Variants in DTX4 observed in about 807,000 individuals in gnomAD.
DTX4 encodes the protein deltex E3 ubiquitin ligase 4.
In DTX4, 28 loss-of-function variants were observed where a neutral mutation model predicts 57.6. That is an observed-to-expected ratio of 0.49 (90% CI 0.36 to 0.67). The LOEUF (loss-of-function observed/expected upper bound fraction) is 0.67. Among genes scored for constraint, DTX4 ranks in the 30% least tolerant of loss-of-function variants. The pLI, the probability that DTX4 is intolerant of heterozygous loss-of-function variation, is 0.00. For synonymous variants in DTX4, 316 were observed against 331.0 expected, an observed-to-expected ratio of 0.95 and a Z score of 0.49; for missense variants, 715 against 836.8, an observed-to-expected ratio of 0.85 and a Z score of 1.80.
intron 5 of DTX4, 94 bp from the exon 6 acceptor site, chr11:59,192,004 T>C: frequency 7.2e-7 from 1 of 1,398,286 alleles, no homozygotes; most frequent in Non-Finnish European, 9.7e-7. Flanking sequence ...AGAAGAGAAG[T>C]GGTAAGAGCT....
chr11:59,179,846 CTG>C (rs1374993892), intron 1 of DTX4, among the ~76,000 whole-genome samples: 1 of 152,074 alleles, frequency 6.6e-6, no homozygotes, highest in East Asian at 1.9e-4. Context: ...GAAGAAAATC[CTG>C]TGTCAGTTAT....
chr11:59,177,867 G>A (rs1290958996), intron 1 of DTX4, among the ~76,000 whole-genome samples: 1 of 152,046 alleles, frequency 6.6e-6, no homozygotes, highest in East Asian at 1.9e-4. Flanking sequence ...TTCATTTATT[G>A]AATCAATATT....
At chr11:59,191,865 C>A (rs892160380) in intron 5 of DTX4, among the ~76,000 whole-genome samples, 12 of 152,104 alleles carry the variant, frequency 7.9e-5, no homozygotes, top group African/African-American at 2.9e-4. Context: ...ATAGCCCTCA[C>A]GATTATGATA....
intron 8 of DTX4, among the ~76,000 whole-genome samples, chr11:59,200,914 C>G (rs1862733394): frequency 6.6e-6 from 1 of 152,230 alleles, no homozygotes; most frequent in African/African-American, 2.4e-5. Context: ...ATTCGTCATG[C>G]ACTTTGCTTG....
chr11:59,177,619 A>T (rs1414283961), intron 1 of DTX4, among the ~76,000 whole-genome samples: 9 of 152,016 alleles, frequency 5.9e-5, no homozygotes, highest in Admixed American at 5.9e-4. Flanking sequence ...GTCTTCTTCT[A>T]TGCCTTATAT....
intron 8 of DTX4, among the ~76,000 whole-genome samples, chr11:59,200,384 A>T (rs1185911766): frequency 6.6e-6 from 1 of 152,188 alleles, no homozygotes; most frequent in Non-Finnish European, 1.5e-5. Context: ...TATTAGTGGC[A>T]ATAATTCATC....
intron 6 of DTX4, among the ~76,000 whole-genome samples, chr11:59,193,132 A>G (rs1862620514): frequency 6.6e-6 from 1 of 152,094 alleles, no homozygotes; most frequent in South Asian, 2.1e-4. Flanking sequence ...TCTGGTCTAT[A>G]CGTCTCTTAC....
At chr11:59,183,493 G>A (rs1862491181) in intron 2 of DTX4, among the ~76,000 whole-genome samples, 1 of 152,134 alleles carries the variant, frequency 6.6e-6, no homozygotes, top group African/African-American at 2.4e-5. Flanking sequence ...GCCAGCCCCT[G>A]GTTTCTTAGC....
Position 59,182,456 on chromosome 11 carries a change from C to T in DTX4, c.929C>T (p.Ala310Val). 6.2e-7 allele frequency: 1 copy of T among 1,600,794 alleles called. No homozygotes were observed. Among genetic ancestry groups the T allele is most frequent in the Non-Finnish European group, 8.5e-7 (1 of 1,172,546 alleles). The stretch of plus-strand genomic sequence containing the variant: ...ATTGCCCAGTCCCGGGTGCTGATCG[C>T]CTCTGGGTAAGTGCTTCCACAGCTG... ...LAIAQSRVLI[A>V]SGVPTVPVKN... Residue 310 changes from alanine to valine, a missense_variant, in exon 2 of 9, where the codon GCC becomes GTC. Physicochemically the swap from Ala to Val is moderately conservative, Grantham distance 64 (BLOSUM62 0). Transcript: ENST00000227451.
At chr11:59,184,699 A>C (rs1317462512) in intron 2 of DTX4, among the ~76,000 whole-genome samples, 4 of 152,218 alleles carry the variant, frequency 2.6e-5, no homozygotes, top group Non-Finnish European at 5.9e-5. Flanking sequence ...GCCCGCTCAT[A>C]GAATTGGGGC....
intron 2 of DTX4, among the ~76,000 whole-genome samples, chr11:59,183,125 T>C (rs1000426645): frequency 1.3e-5 from 2 of 152,196 alleles, no homozygotes; most frequent in African/African-American, 4.8e-5. Context: ...AGCTAATCAT[T>C]GGCAGAGAAT....
chr11:59,186,967 C>G (rs1862536515), intron 2 of DTX4, among the ~76,000 whole-genome samples: 1 of 152,182 alleles, frequency 6.6e-6, no homozygotes. Context: ...CTTTCACATC[C>G]ATCTCCCAGC....
At chr11:59,172,849 TC>T in intron 1 of DTX4, 43 bp downstream of exon 1, 1 of 1,455,550 alleles carries the variant, frequency 6.9e-7, no homozygotes, top group Non-Finnish European at 9.2e-7. Context: ...GCTCCCACCT[TC>T]CCAACCTGCC....
At chr11:59,196,959 C>CG (rs1473107681) in intron 7 of DTX4, among the ~76,000 whole-genome samples, 1 of 152,142 alleles carries the variant, frequency 6.6e-6, no homozygotes, top group East Asian at 1.9e-4. Context: ...CCCACCACCC[C>CG]GGTCCATTGA....
chr11:59,177,219 T>C lies in DTX4; in HGVS notation c.211+4413T>C, dbSNP rs1455740873. 2.0e-5 allele frequency among the ~76,000 whole-genome samples: 3 copies of C among 152,132 alleles called. No homozygotes were observed. In the East Asian group the frequency reaches 5.8e-4, roughly 29 times the overall value. On this transcript the variant is annotated intron_variant, in intron 1 of 8. Transcript: ENST00000227451. ...AAATTTGAGTGTACCCATGCACCAC[T>C]CAAGGTGGCCATTCACATGCAGATT...
chr11:59,190,585 C>G (rs1304333161), intron 4 of DTX4, among the ~76,000 whole-genome samples: 1 of 152,176 alleles, frequency 6.6e-6, no homozygotes, highest in East Asian at 1.9e-4. Flanking sequence ...TCACCCTTCC[C>G]CTGCTGCAGG....
rs373874215 is a variant in DTX4, at chr11:59,205,462, A to T, written c.*553A>T. On this transcript the variant is annotated 3_prime_UTR_variant, in exon 9 of 9. Coordinates refer to ENST00000227451, the MANE Select transcript of DTX4 (RefSeq NM_015177.2). ...ATGCCTTGGTGTAGAGCAAGGAAGC[A>T]CTTCTTCCCAAGAGGGTCGGAGAAG... The T allele has an allele frequency of 3.6e-3, 569 of 156,628 alleles. 3 individuals are homozygous for T. The highest frequency in any genetic ancestry group is 0.013 in the African/African-American group (521 of 41,270). 9.7% of individuals were successfully genotyped at this position (156,628 alleles called of 1,614,324 possible).
rs181576276 is a variant in DTX4, at chr11:59,191,124, A to T, written c.1170A>T (p.Pro390=). 1.3e-6 allele frequency: 2 copies of T among 1,571,680 alleles called. No individual in the cohort carries two copies. Among genetic ancestry groups the T allele is most frequent in the African/African-American group, 1.4e-5 (1 of 73,870 alleles). ...TKKQAKKGKT[P]EEVLKKYLQK... is the part of the protein sequence containing the mutation. ...CTCCTGTCTCTGCAGGTAAAACCCC[A>T]GAGGAAGTGCTAAAAAAATATCTAC... Residue 390 remains proline, a synonymous_variant, in exon 5 of 9, where the codon CCA becomes CCT. Transcript: ENST00000227451.
At position 59,181,886 on chromosome 11, in the gene DTX4, A is replaced by G. The variant is rs1385791464; in HGVS notation, c.359A>G (p.Gln120Arg). Residue 120 changes from glutamine (Q) to arginine (R), a missense_variant, in exon 2 of 9, where the codon CAG (glutamine) becomes CGG (arginine). Coordinates refer to ENST00000227451, the MANE Select transcript of DTX4 (RefSeq NM_015177.2). Reference protein sequence around the residue: ...GITIQHAYEKQHPWIDLTSIG... With the variant: ...GITIQHAYEKRHPWIDLTSIG... ...ACCATCCAGCATGCCTATGAGAAGC[A>G]GCACCCCTGGATCGACCTCACTTCC... The G allele has an allele frequency of 2.5e-6, 4 of 1,613,926 alleles. No homozygotes were observed. Among genetic ancestry groups the G allele is most frequent in the East Asian group, 2.2e-5 (1 of 44,896 alleles).
Sources: gnomAD v4.1 joint callset for allele counts (sites outside exome capture counted in the v4.1 genomes callset) on GRCh38, gnomAD v4.1.1 for gene constraint, MANE v1.5 for transcripts, NCBI Gene and HGNC (gene_info 2026-07-23, HGNC 2026-07-21) for gene names.